Variants in NWD1 observed in about 807,000 individuals in gnomAD.
NWD1 encodes the protein NACHT domain- and WD repeat-containing protein 1.
A neutral mutation model predicts 135.1 loss-of-function variants in NWD1; 129 were observed. The ratio of observed to expected loss-of-function variants is 0.96; its 90% confidence interval spans 0.83 to 1.11. The LOEUF is 1.11. Among genes scored for constraint, NWD1 ranks in the 50% least tolerant of loss-of-function variants. NWD1 has a pLI of 0.00. For synonymous variants in NWD1, 773 were observed against 786.0 expected (o/e 0.98, Z 0.28); for missense variants, 1,740 against 1,851.3 (o/e 0.94, Z 1.10).
At chr19:16,752,802 G>A (rs1968631324) in intron 6 of NWD1, among the ~76,000 whole-genome samples, 1 of 152,084 alleles carries the variant, frequency 6.6e-6, no homozygotes, top group Non-Finnish European at 1.5e-5. Context: ...TTCAAGACCA[G>A]CCTGGGCAAC....
Position 16,807,636 on chromosome 19 carries a change from G to C in NWD1, c.3787G>C (p.Val1263Leu). ...DTSSEIRCLE[V>L]AEQRKLLFTG... ...CTCCAGTGAGATCAGGTGTCTGGAG[G>C]TTGCTGAGCAGCGCAAGCTCCTATT... Residue 1263 changes from valine to leucine, a missense_variant, in exon 18 of 19, where the codon GTT (valine) becomes CTT (leucine). By Grantham distance (32) the Val-to-Leu change is conservative. Coordinates refer to ENST00000524140, the MANE Select transcript of NWD1 (RefSeq NM_001007525.5). 6.4e-7 allele frequency: 1 copy of C among 1,558,998 alleles called. No homozygotes were observed. The highest frequency in any genetic ancestry group is 1.2e-5 in the South Asian group (1 of 82,800).
chr19:16,749,503 C>G lies in NWD1; in HGVS notation c.861C>G (p.Ala287=), dbSNP rs578142025. 5 of 1,610,606 alleles carry G rather than the reference C, an allele frequency of 3.1e-6. No individual in the cohort carries two copies. The highest frequency in any genetic ancestry group is 1.1e-5 in the South Asian group (1 of 90,976). Residue 287 remains alanine, a synonymous_variant, in exon 6 of 19, where the codon GCC becomes GCG. Coordinates refer to ENST00000524140, the MANE Select transcript of NWD1 (RefSeq NM_001007525.5). ...VLTRLRELDT[A]GQELAWLYQE... Reference sequence around the variant, plus strand: ...CACGCCTCCGTGAGCTGGATACGGCCGGACAGGAGTTGGCGTGGCTCTACC... The same window carrying G: ...CACGCCTCCGTGAGCTGGATACGGCGGGACAGGAGTTGGCGTGGCTCTACC...
intron 11 of NWD1, among the ~76,000 whole-genome samples, chr19:16,773,970 C>G (rs1370794562): frequency 6.9e-6 from 1 of 144,988 alleles, no homozygotes; most frequent in Non-Finnish European, 1.5e-5. Context: ...ATCCATCCAT[C>G]CATCCATTAA....
At chr19:16,773,906 C>A (rs1214707576) in intron 11 of NWD1, among the ~76,000 whole-genome samples, 1 of 147,022 alleles carries the variant, frequency 6.8e-6, no homozygotes, top group East Asian at 2.1e-4. Context: ...CATCCACCAG[C>A]CTCCCACCCA....
rs1436601563 is a variant in NWD1 at position 16,800,006 on chromosome 19, T to A, written c.3580T>A (p.Phe1194Ile). 31 of 1,614,066 alleles carry A rather than the reference T, an allele frequency of 1.9e-5. No individual in the cohort carries two copies. Among genetic ancestry groups the A allele is most frequent in the Non-Finnish European group, 2.5e-5 (30 of 1,180,040 alleles). ...VASASPQSSS[F>I]KVWDLSDAHR... ...ATCTGCTTCCCCACAGTCCTCATCT[T>A]TCAAGGTCTGGGATCTCAGCGATGC... Residue 1194 changes from phenylalanine to isoleucine, a missense_variant, in exon 17 of 19, where the codon TTC becomes ATC. By Grantham distance (21) the Phe-to-Ile change is conservative. Transcript: ENST00000524140.
At chr19:16,747,345 T>TTTTA (rs78977506) in intron 5 of NWD1, among the ~76,000 whole-genome samples, 11,007 of 143,154 alleles carry the variant, frequency 0.077, 520 homozygotes, top group East Asian at 0.19. Flanking sequence ...GACATTTTCT[T>TTTTA]TTTATTTATT....
chr19:16,794,468 C>G lies in NWD1; in HGVS notation c.3219C>G (p.Ser1073=). 6.2e-7 allele frequency: 1 copy of G among 1,609,028 alleles called. No homozygotes were observed. Among genetic ancestry groups the G allele is most frequent in the Non-Finnish European group, 8.5e-7 (1 of 1,176,346 alleles). The change falls in exon 15 of 19, where the codon TCC becomes TCG. Residue 1073 remains serine, a synonymous_variant. Transcript: ENST00000524140. ...GCATCCCTGGTTCTGCACAGGTTTC[C>G]TCCAAAGGGGACAGATTGCTGGAGA... ...GFSNGSISLV[S]SKGDRLLEKL... is the part of the protein sequence containing the mutation.
rs142546218 is a variant in NWD1, at chr19:16,722,591, C to T, written c.-104-1775C>T. Among the ~76,000 whole-genome samples, 1,260 of 151,778 alleles carry T rather than the reference C, an allele frequency of 8.3e-3. 16 individuals carry two copies. The highest frequency in any genetic ancestry group is 0.028 in the African/African-American group (1,180 of 41,410). On this transcript the variant is annotated intron_variant, in intron 1 of 18. Coordinates refer to ENST00000524140, the MANE Select transcript of NWD1 (RefSeq NM_001007525.5). Reference sequence around the variant, plus strand: ...GATGTGAGCCACTGTGCCTGGCCGACCCTCACTCTTAAAAAAGAATTAACT... The same window carrying T: ...GATGTGAGCCACTGTGCCTGGCCGATCCTCACTCTTAAAAAAGAATTAACT...
intron 12 of NWD1, 22 bp downstream of exon 12, chr19:16,779,487 T>C (rs1291627761): frequency 1.2e-6 from 2 of 1,609,568 alleles, no homozygotes; most frequent in South Asian, 1.1e-5. Context: ...GAAGTGGGCT[T>C]TGTGGTCAGC....
intron 3 of NWD1, among the ~76,000 whole-genome samples, chr19:16,734,734 C>CTATTTATTTATT (rs58756047): frequency 0.031 from 4,379 of 141,738 alleles, 138 homozygotes; most frequent in African/African-American, 0.079. Context: ...CTACACCTGG[C>CTATTTATTTATT]TATTTATTTA....
chr19:16,790,841 T>C (rs1343193887), intron 13 of NWD1, among the ~76,000 whole-genome samples: 1 of 152,142 alleles, frequency 6.6e-6, no homozygotes, highest in Non-Finnish European at 1.5e-5. Flanking sequence ...ATTTCACTTG[T>C]TTCTTTGTAC....
At chr19:16,813,442 C>T (rs909398059) in intron 18 of NWD1, among the ~76,000 whole-genome samples, 3 of 151,892 alleles carry the variant, frequency 2.0e-5, no homozygotes, top group African/African-American at 7.3e-5. Flanking sequence ...TTCTTTGCCC[C>T]CGCCTTATAG....
chr19:16,747,100 G>A (rs113135145), intron 5 of NWD1, among the ~76,000 whole-genome samples: 107 of 149,010 alleles, frequency 7.2e-4, no homozygotes, highest in Middle Eastern at 3.5e-3. Flanking sequence ...GTAGTGGTGC[G>A]ATCTCAGCTC....
chr19:16,807,586 G>T lies in NWD1; in HGVS notation c.3737G>T (p.Gly1246Val). The T allele has an allele frequency of 6.6e-7, 1 of 1,519,098 alleles. No homozygotes were observed. Among genetic ancestry groups the T allele is most frequent in the Non-Finnish European group, 8.8e-7 (1 of 1,133,428 alleles). The allele number at this position is 1,519,098 out of a possible 1,614,324, so 94.1% of individuals were successfully genotyped here. The part of the protein sequence containing the change: ...NKVTIWDLAE[G>V]EEQDSLDTSS... ...CATTCTCATTTTTCTTCCCTGGCAG[G>T]CGAGGAACAAGATTCCCTGGACACC... is the stretch of plus-strand genomic sequence containing the variant. Residue 1246 changes from glycine (G) to valine (V), a missense_variant and splice_region_variant, in exon 18 of 19, where the codon GGC becomes GTC. Physicochemically the swap from Gly to Val is moderately radical, Grantham distance 109 (BLOSUM62 -3). Coordinates refer to ENST00000524140, the MANE Select transcript of NWD1 (RefSeq NM_001007525.5).
intron 6 of NWD1, among the ~76,000 whole-genome samples, chr19:16,757,632 A>G (rs114032231): frequency 0.028 from 4,222 of 152,188 alleles, 204 homozygotes; most frequent in African/African-American, 0.097. Flanking sequence ...TGGGAGTGCC[A>G]AGTGAGGTGC....
At chr19:16,754,026 T>C (rs1405798699) in intron 6 of NWD1, among the ~76,000 whole-genome samples, 5 of 144,806 alleles carry the variant, frequency 3.5e-5, no homozygotes, top group East Asian at 2.1e-4. Context: ...ATCTTCCATC[T>C]ATCCATCCAT....
At chr19:16,780,131 C>G (rs1969803577) in intron 12 of NWD1, among the ~76,000 whole-genome samples, 1 of 151,488 alleles carries the variant, frequency 6.6e-6, no homozygotes, top group African/African-American at 2.4e-5. Context: ...TCCTTCAGGT[C>G]TCTCATCCCC....
rs1351566123 is a variant in NWD1 at position 16,732,673 on chromosome 19, AAAGT to A, written c.81+1396_81+1399del. Among the ~76,000 whole-genome samples, 8 of 142,962 alleles carry A rather than the reference AAAGT, an allele frequency of 5.6e-5. 3 individuals are homozygous for A. The highest frequency in any genetic ancestry group is 1.4e-4 in the African/African-American group (5 of 36,732). The allele number at this position is 142,962 out of a possible 152,430, so 93.8% of individuals were successfully genotyped here. A position where few individuals can be genotyped will look rare whatever the true frequency, so the allele number is the denominator to read the frequency against. On this transcript the variant is annotated intron_variant, in intron 3 of 18. Transcript: ENST00000524140. ...TCATCTCAAAAAAAAAAAAAAAGAA[AAAGT>A]GAAAAAGTGCAGTGGTGTGATCTCA... is the stretch of plus-strand genomic sequence containing the variant.
chr19:16,778,963 A>G (rs970469295), intron 11 of NWD1, among the ~76,000 whole-genome samples: 4 of 152,160 alleles, frequency 2.6e-5, no homozygotes, highest in Non-Finnish European at 5.9e-5. Context: ...GGTGTTGAAC[A>G]GCATCCCTGG....
Sources: gnomAD v4.1 joint callset for allele counts (sites outside exome capture counted in the v4.1 genomes callset) on GRCh38, gnomAD v4.1.1 for gene constraint, MANE v1.5 for transcripts, NCBI Gene and HGNC (gene_info 2026-07-23, HGNC 2026-07-21) for gene names.